The following LPIN3 variants were observed in gnomAD, a reference collection of about 807,000 sequenced individuals.
LPIN3 encodes lipin 3.
A neutral mutation model predicts 94.7 loss-of-function variants in LPIN3; 82 were observed. That is an observed-to-expected ratio of 0.87 (90% CI 0.72 to 1.04). The LOEUF (loss-of-function observed/expected upper bound fraction) is 1.04, where lower values mean the gene tolerates loss of function less well. Among genes scored for constraint, LPIN3 ranks in the 50% least tolerant of loss-of-function variants. LPIN3 has a pLI of 0.00. For synonymous variants in LPIN3, 418 were observed against 443.3 expected (o/e 0.94, Z 0.72); for missense variants, 996 against 1,090.5 (o/e 0.91, Z 1.22).
At position 41,357,040 on chromosome 20, in the gene LPIN3, C is replaced by T. The variant is rs749018950; in HGVS notation, c.1804C>T (p.Arg602Trp). ...KSLRLSSDQI[R>W]RLNLQEGAND... is the part of the protein sequence containing the mutation. ...CACACCCCCCTTTGTCTGGCCTCAG[C>T]GGCGCCTGAACCTGCAAGAAGGTGC... The change falls in exon 15 of 20, where the codon CGG becomes TGG. Residue 602 changes from arginine (R) to tryptophan (W), a missense_variant and splice_region_variant. Transcript: ENST00000373257. 51 of 1,610,748 alleles carry T rather than the reference C, an allele frequency of 3.2e-5. No homozygotes were observed. The Admixed American group carries it at 3.2e-4, about 10-fold the overall frequency.
At position 41,358,357 on chromosome 20, in the gene LPIN3, T is replaced by C. The variant is rs1303556128; in HGVS notation, c.2307+6T>C. The C allele has an allele frequency of 1.2e-6, 2 of 1,613,726 alleles. No homozygotes were observed. Among genetic ancestry groups the C allele is most frequent in the Middle Eastern group, 1.6e-4 (1 of 6,084 alleles). On this transcript the variant is annotated splice_donor_region_variant and intron_variant, in intron 18 of 19. Coordinates refer to ENST00000373257, the MANE Select transcript of LPIN3 (RefSeq NM_022896.3). The stretch of plus-strand genomic sequence containing the variant: ...CCTTTGGGAATAGGCCCAATGTGAG[T>C]GTGTCCCCTCCACTCTGCTGAGCCA...
chr20:41,346,007 GGCT>G lies in LPIN3; in HGVS notation c.192+14_192+16del. 6.2e-7 allele frequency: 1 copy of G among 1,610,038 alleles called. No homozygotes were observed. Among genetic ancestry groups the G allele is most frequent in the East Asian group, 2.2e-5 (1 of 44,866 alleles). ...CGCGGGAGAAGGTGGTGAGTGCTCA[GGCT>G]GGCTGAGGTGGCTACTGCAGAGTGG... On this transcript the variant is annotated intron_variant, in intron 2 of 19. Coordinates refer to ENST00000373257, the MANE Select transcript of LPIN3 (RefSeq NM_022896.3).
At chr20:41,346,649 G>C (rs1389718516) in intron 2 of LPIN3, among the ~76,000 whole-genome samples, 1 of 152,206 alleles carries the variant, frequency 6.6e-6, no homozygotes, top group Non-Finnish European at 1.5e-5. Flanking sequence ...GCTGAGGCAG[G>C]AGAATCGCTT....
rs2046322757 is a variant in LPIN3, at chr20:41,359,289, C to G, written c.*423C>G. On this transcript the variant is annotated 3_prime_UTR_variant, in exon 20 of 20. Coordinates refer to ENST00000373257, the MANE Select transcript of LPIN3 (RefSeq NM_022896.3). Reference sequence around the variant, plus strand: ...TAGCTGGGATTACAGGCGTGTACCACCACGCCTGGCTAATTTTCGTGTTTT... The same window carrying G: ...TAGCTGGGATTACAGGCGTGTACCAGCACGCCTGGCTAATTTTCGTGTTTT... 6.5e-6 allele frequency: 1 copy of G among 153,318 alleles called. No homozygotes were observed. Among genetic ancestry groups the G allele is most frequent in the Non-Finnish European group, 1.4e-5 (1 of 69,000 alleles). 9.5% of individuals were successfully genotyped at this position (153,318 alleles called of 1,614,324 possible).
At position 41,358,041 on chromosome 20, in the gene LPIN3, A is replaced by G. The variant is rs758782719; in HGVS notation, c.2192+7A>G. ...TCTTCTCTGCCCTCCACAGGTAACC[A>G]CCCCTACACATACAAGCCCGTGGCC... On this transcript the variant is annotated splice_region_variant and intron_variant, in intron 17 of 19. Transcript: ENST00000373257. The G allele has an allele frequency of 1.3e-6, 2 of 1,586,020 alleles. No homozygotes were observed. The highest frequency in any genetic ancestry group is 1.8e-5 in the Admixed American group (1 of 56,390).
At position 41,348,706 on chromosome 20, in the gene LPIN3, AG is replaced by A. The variant is rs750722003; in HGVS notation, c.377del (p.Ser126MetfsTer55). The A allele has an allele frequency of 1.9e-6, 3 of 1,613,844 alleles. No homozygotes were observed. In the African/African-American group the frequency reaches 4.0e-5, roughly 22 times the overall value. On this transcript the variant is annotated frameshift_variant, in exon 4 of 20. Transcript: ENST00000373257. LOFTEE classifies it high-confidence loss of function. ...FPSDSQLGTA[S>X]EPEGLVMAGT... is the part of the protein sequence containing the mutation. ...CTCGGACTCCCAGCTGGGCACTGCC[AG>A]TGAGCCTGAGGGCCTCGTCATGGCA...
chr20:41,356,737 G>C (rs2046221798), intron 14 of LPIN3, among the ~76,000 whole-genome samples: 1 of 152,174 alleles, frequency 6.6e-6, no homozygotes, highest in African/African-American at 2.4e-5. Context: ...CTTGGGGCTG[G>C]CCTGGGAATC....
rs1242754947 is a variant in LPIN3 at position 41,352,659 on chromosome 20, C to T, written c.1417C>T (p.Leu473Phe). ...CCAGGACCTCACCAAAAACCCCGGA[C>T]TTTTGGATGACCCAAACCTAGTGGT... ...SYQDLTKNPG[L>F]LDDPNLVVKI... is the part of the protein sequence containing the mutation. The change falls in exon 10 of 20, where the codon CTT becomes TTT. Residue 473 changes from leucine to phenylalanine, a missense_variant. Physicochemically the swap from Leu to Phe is conservative, Grantham distance 22. Transcript: ENST00000373257. 1.9e-6 allele frequency: 3 copies of T among 1,614,204 alleles called. No homozygotes were observed. The highest frequency in any genetic ancestry group is 2.5e-6 in the Non-Finnish European group (3 of 1,180,036).
At position 41,358,935 on chromosome 20, in the gene LPIN3, G is replaced by A; in HGVS notation, c.*69G>A. The A allele has an allele frequency of 6.4e-7, 1 of 1,567,206 alleles. No individual in the cohort carries two copies. Among genetic ancestry groups the A allele is most frequent in the Non-Finnish European group, 8.7e-7 (1 of 1,155,982 alleles). On this transcript the variant is annotated 3_prime_UTR_variant, in exon 20 of 20. Coordinates refer to ENST00000373257, the MANE Select transcript of LPIN3 (RefSeq NM_022896.3). Reference sequence around the variant, plus strand: ...GGCTAGGTGTCCTGGGGTATAGGAGGGTGGGAATTGGAGTGTCATGGGGCA... The same window carrying A: ...GGCTAGGTGTCCTGGGGTATAGGAGAGTGGGAATTGGAGTGTCATGGGGCA...
In LPIN3 at chr20:41,358,892, C is replaced by G; in HGVS notation, c.*26C>G. ...ACCTGCCCTGGCTGGCTCCTCCTCCCTGGCCCGGCCCAGGACTGGCTAGGT... is the reference window on the plus strand; with the variant it reads ...ACCTGCCCTGGCTGGCTCCTCCTCCGTGGCCCGGCCCAGGACTGGCTAGGT... On this transcript the variant is annotated 3_prime_UTR_variant, in exon 20 of 20. Coordinates refer to ENST00000373257, the MANE Select transcript of LPIN3 (RefSeq NM_022896.3). The G allele has an allele frequency of 6.2e-7, 1 of 1,612,760 alleles. No homozygotes were observed. Among genetic ancestry groups the G allele is most frequent in the Non-Finnish European group, 8.5e-7 (1 of 1,179,408 alleles).
chr20:41,353,896 G>T (rs932060231), intron 11 of LPIN3, among the ~76,000 whole-genome samples: 1 of 152,230 alleles, frequency 6.6e-6, no homozygotes, highest in Non-Finnish European at 1.5e-5. Flanking sequence ...AAGGAAGAGG[G>T]TCCCTTCCCT....
intron 11 of LPIN3, 123 bp from the exon 12 acceptor site, chr20:41,354,522 A>G (rs1215977789): frequency 1.2e-6 from 1 of 861,362 alleles, no homozygotes; most frequent in African/African-American, 1.7e-5. Context: ...CCAGATGTTG[A>G]CAGCACCTTA....
In LPIN3 at chr20:41,358,874, C is replaced by T. The variant is rs749593500; in HGVS notation, c.*8C>T. On this transcript the variant is annotated 3_prime_UTR_variant, in exon 20 of 20. Coordinates refer to ENST00000373257, the MANE Select transcript of LPIN3 (RefSeq NM_022896.3). ...CTTGATACCCTGGACTGAACCTGCC[C>T]TGGCTGGCTCCTCCTCCCTGGCCCG... 9.5e-5 allele frequency: 153 copies of T among 1,613,646 alleles called. No individual in the cohort carries two copies. The highest frequency in any genetic ancestry group is 1.3e-4 in the Non-Finnish European group (151 of 1,179,892).
rs1193212744 is a variant in LPIN3 at position 41,354,690 on chromosome 20, G to A, written c.1573G>A (p.Gly525Arg). The change falls in exon 12 of 20, where the codon GGG becomes AGG. Residue 525 changes from glycine (G) to arginine (R), a missense_variant. Transcript: ENST00000373257. The part of the protein sequence containing the change: ...LEREKMPRKG[G>R]RWWFSWRRRD... ...GAGGGAGAAGATGCCCCGGAAGGGT[G>A]GGCGATGGTGGTTTTCCTGGCGACG... The A allele has an allele frequency of 7.5e-6, 12 of 1,605,842 alleles. No individual in the cohort carries two copies. The South Asian group carries it at 1.3e-4, about 18-fold the overall frequency.
intron 14 of LPIN3, 112 bp downstream of exon 14, chr20:41,356,146 G>A: frequency 6.8e-7 from 1 of 1,463,794 alleles, no homozygotes; most frequent in Non-Finnish European, 9.3e-7. Flanking sequence ...GTTCACCAAA[G>A]GCCAGAATCT....
rs753282197 is a variant in LPIN3 at position 41,349,907 on chromosome 20, G to C, written c.759+13G>C. On this transcript the variant is annotated intron_variant, in intron 6 of 19. Coordinates refer to ENST00000373257, the MANE Select transcript of LPIN3 (RefSeq NM_022896.3). The stretch of plus-strand genomic sequence containing the variant: ...GAGGCTGCCTAAGGTGAGTCCCTCT[G>C]TATCAACCCCAGGCCCGGCCTTTCA... The C allele has an allele frequency of 4.3e-5, 69 of 1,608,500 alleles. No homozygotes were observed. Among genetic ancestry groups the C allele is most frequent in the Non-Finnish European group, 5.7e-5 (67 of 1,177,332 alleles).
At chr20:41,341,465 C>T (rs1395165411) in intron 1 of LPIN3, among the ~76,000 whole-genome samples, 2 of 152,152 alleles carry the variant, frequency 1.3e-5, no homozygotes, top group African/African-American at 2.4e-5. Flanking sequence ...CTCTGGTCCT[C>T]GGTGGAGAGC....
At chr20:41,350,523 A>G (rs2045970820) in intron 7 of LPIN3, 126 bp downstream of exon 7, 2 of 739,786 alleles carry the variant, frequency 2.7e-6, no homozygotes, top group African/African-American at 1.8e-5. Flanking sequence ...CACCAGCCTC[A>G]TGAAGCTCAC....
intron 14 of LPIN3, 147 bp downstream of exon 14, chr20:41,356,181 G>C (rs2046203359): frequency 1.7e-6 from 2 of 1,154,718 alleles, no homozygotes; most frequent in Admixed American, 2.7e-5. Flanking sequence ...CTCCCTGATG[G>C]CCTCCACTTG....
Sources: allele counts gnomAD v4.1 joint callset (sites outside exome capture counted in the v4.1 genomes callset), GRCh38; gene constraint gnomAD v4.1.1; transcripts MANE v1.5; gene names NCBI Gene and HGNC (gene_info 2026-07-23, HGNC 2026-07-21).